The following TMTC1 variants were observed in gnomAD, a reference collection of about 807,000 sequenced individuals.
TMTC1 encodes protein O-mannosyl-transferase TMTC1.
In TMTC1, 73 loss-of-function variants were observed where a neutral mutation model predicts 104.8. That is an observed-to-expected ratio of 0.70 (90% CI 0.58 to 0.85). TMTC1 has a LOEUF of 0.85. Among genes scored for constraint, TMTC1 ranks in the 40% least tolerant of loss-of-function variants. The pLI, the probability that TMTC1 is intolerant of heterozygous loss-of-function variation, is 0.00. For synonymous variants in TMTC1, 434 were observed against 428.7 expected (o/e 1.01, Z -0.15); for missense variants, 1,035 against 1,096.1 (o/e 0.94, Z 0.79).
At chr12:29,668,873 T>A (rs1940395329) in intron 5 of TMTC1, among the ~76,000 whole-genome samples, 1 of 152,212 alleles carries the variant, frequency 6.6e-6, no homozygotes, top group African/African-American at 2.4e-5. Context: ...AGTGCACAAT[T>A]TTTGAAAGTC....
At chr12:29,724,070 C>A (rs899654394) in intron 5 of TMTC1, among the ~76,000 whole-genome samples, 2 of 152,010 alleles carry the variant, frequency 1.3e-5, no homozygotes, top group Non-Finnish European at 1.5e-5. Context: ...CATTAACGAC[C>A]CTAAGAAAAA....
chr12:29,624,345 A>T (rs904910878), intron 6 of TMTC1, among the ~76,000 whole-genome samples: 1 of 152,306 alleles, frequency 6.6e-6, no homozygotes, highest in South Asian at 2.1e-4. Flanking sequence ...GAAGAAAACT[A>T]AACAAAACAG....
chr12:29,522,561 T>C (rs1282273063), intron 11 of TMTC1, among the ~76,000 whole-genome samples: 1 of 29,760 alleles, frequency 3.4e-5, no homozygotes, highest in Non-Finnish European at 9.4e-5. Context: ...ACAATGTGTG[T>C]GTGTGTGTGT....
At chr12:29,752,219 A>G (rs1002808377) in intron 4 of TMTC1, among the ~76,000 whole-genome samples, 3 of 152,118 alleles carry the variant, frequency 2.0e-5, no homozygotes, top group Non-Finnish European at 2.9e-5. Context: ...TTGCAGTGGT[A>G]TTAAGGATTT....
At chr12:29,671,604 C>T (rs939901803) in intron 5 of TMTC1, among the ~76,000 whole-genome samples, 16 of 152,186 alleles carry the variant, frequency 1.1e-4, no homozygotes, top group African/African-American at 2.9e-4. Flanking sequence ...TTGCTATGCT[C>T]ATTTTATAGA....
At chr12:29,680,571 G>A (rs1175920011) in intron 5 of TMTC1, among the ~76,000 whole-genome samples, 1 of 152,164 alleles carries the variant, frequency 6.6e-6, no homozygotes, top group Non-Finnish European at 1.5e-5. Flanking sequence ...AGTCAATATT[G>A]CCTATGGTAA....
intron 5 of TMTC1, among the ~76,000 whole-genome samples, chr12:29,747,527 T>A (rs149728607): frequency 2.0e-5 from 3 of 152,270 alleles, no homozygotes; most frequent in African/African-American, 7.2e-5. Flanking sequence ...CTGATAACAT[T>A]TGGCCCAATT....
intron 5 of TMTC1, among the ~76,000 whole-genome samples, chr12:29,727,923 G>A (rs1024865707): frequency 1.3e-5 from 2 of 152,084 alleles, no homozygotes; most frequent in African/African-American, 4.8e-5. Flanking sequence ...CCGAGTAGCT[G>A]GGACTACAAG....
At chr12:29,513,340 A>C (rs1943892967) in intron 16 of TMTC1, among the ~76,000 whole-genome samples, 2 of 151,860 alleles carry the variant, frequency 1.3e-5, no homozygotes, top group African/African-American at 4.8e-5. Flanking sequence ...ATATATATAC[A>C]CACACACACA....
intron 8 of TMTC1, among the ~76,000 whole-genome samples, chr12:29,576,130 C>T (rs575810983): frequency 6.6e-6 from 1 of 152,248 alleles, no homozygotes; most frequent in South Asian, 2.1e-4. Context: ...GTATGGGTTG[C>T]TTACATATTT....
rs1941590167 is a variant in TMTC1, at chr12:29,701,374, G to A, written c.938+50292C>T. Among the ~76,000 whole-genome samples, 3 of 152,108 alleles carry A rather than the reference G, an allele frequency of 2.0e-5. No homozygotes were observed. The South Asian group carries it at 6.2e-4, about 31-fold the overall frequency. On this transcript the variant is annotated intron_variant, in intron 5 of 17. Coordinates refer to ENST00000539277, the MANE Select transcript of TMTC1 (RefSeq NM_001193451.2). Reference sequence around the variant, plus strand: ...TCCCAGTTAGTGACTGAGCAAGGCTGGGAAACTAAGGCAGGTCCATTCCTG... The same window carrying A: ...TCCCAGTTAGTGACTGAGCAAGGCTAGGAAACTAAGGCAGGTCCATTCCTG...
upstream of TMTC1, chr12:29,784,645 C>T (rs1351365781): frequency 1.3e-5 from 2 of 152,246 alleles, no homozygotes; most frequent in Non-Finnish European, 2.9e-5. Flanking sequence ...ACAAAAAGTA[C>T]CAGGTTCGAG....
intron 10 of TMTC1, among the ~76,000 whole-genome samples, chr12:29,538,127 G>A (rs776334612): frequency 3.0e-4 from 45 of 152,072 alleles, no homozygotes; most frequent in Non-Finnish European, 5.9e-4. Flanking sequence ...ATTGTCCTTG[G>A]GATGGCTTTC....
chr12:29,557,045 AAGTTGG>A, intron 9 of TMTC1, 45 bp from the exon 10 acceptor site: 1 of 1,603,954 alleles, frequency 6.2e-7, no homozygotes, highest in Non-Finnish European at 8.5e-7. Context: ...AAAAACTTCT[AAGTTGG>A]GCACAACTTG....
chr12:29,661,272 T>G, intron 5 of TMTC1: 2 of 712,944 alleles, frequency 2.8e-6, no homozygotes, highest in Non-Finnish European at 3.4e-6. Context: ...ACAGTTACAC[T>G]GGTCACAGGG....
chr12:29,520,902 C>A lies in TMTC1; in HGVS notation c.1786-182G>T, dbSNP rs1368248744. 15 of 569,146 alleles carry A rather than the reference C, an allele frequency of 2.6e-5. No individual in the cohort carries two copies. In the East Asian group the frequency reaches 4.4e-4, roughly 17 times the overall value. 35.3% of individuals were successfully genotyped at this position (569,146 alleles called of 1,614,324 possible). ...AATTAAAGGCAATATTAACTGTGTA[C>A]AAAATACCCAAAATTCATATCTGTA... On this transcript the variant is annotated intron_variant, in intron 11 of 17. Coordinates refer to ENST00000539277, the MANE Select transcript of TMTC1 (RefSeq NM_001193451.2).
chr12:29,742,990 T>A (rs930611739), intron 5 of TMTC1, among the ~76,000 whole-genome samples: 1 of 152,246 alleles, frequency 6.6e-6, no homozygotes, highest in Non-Finnish European at 1.5e-5. Flanking sequence ...TTCTTCCACA[T>A]TGGCTTTCGC....
At chr12:29,647,914 C>T (rs1371259313) in intron 5 of TMTC1, among the ~76,000 whole-genome samples, 1 of 152,176 alleles carries the variant, frequency 6.6e-6, no homozygotes, top group Non-Finnish European at 1.5e-5. Context: ...TATGTCCTAT[C>T]CCCTTCAAAC....
rs190306901 is a variant in TMTC1, at chr12:29,754,449, G to A, written c.731+1260C>T. On this transcript the variant is annotated intron_variant, in intron 4 of 17. Transcript: ENST00000539277. The stretch of plus-strand genomic sequence containing the variant: ...TCTGGACTGGACCACGTGAGAGAAC[G>A]CATCTGCAGTCAGCTGTCTTATCTT... Among the ~76,000 whole-genome samples the A allele has an allele frequency of 3.6e-3, 552 of 152,262 alleles. 4 individuals carry two copies. Among genetic ancestry groups the A allele is most frequent in the South Asian group, 0.015 (73 of 4,826 alleles).
Sources: gnomAD v4.1 joint callset for allele counts (sites outside exome capture counted in the v4.1 genomes callset) on GRCh38, gnomAD v4.1.1 for gene constraint, MANE v1.5 for transcripts, NCBI Gene and HGNC (gene_info 2026-07-23, HGNC 2026-07-21) for gene names.